The following AKAP1 variants were observed in gnomAD, a reference collection of about 807,000 sequenced individuals.
AKAP1 encodes A-kinase anchor protein 1, mitochondrial.
A neutral mutation model predicts 79.8 loss-of-function variants in AKAP1; 32 were observed. The observed-to-expected ratio is 0.40, with a 90% CI of 0.30 to 0.54. AKAP1 has a LOEUF of 0.54. AKAP1 is among the 20% of genes least tolerant of loss of function. AKAP1 has a pLI of 0.47. For missense variants in AKAP1, 961 were observed against 1,138.9 expected, an observed-to-expected ratio of 0.84 and a Z score of 2.25; for synonymous variants, 416 against 466.7, an observed-to-expected ratio of 0.89 and a Z score of 1.40.
At chr17:57,093,611 A>G (rs778308640) in intron 1 of AKAP1, 1 of 152,224 alleles carries the variant, frequency 6.6e-6, no homozygotes, top group Non-Finnish European at 1.5e-5. Context: ...CAAATTTAGG[A>G]TGGTTAATAA....
chr17:57,109,223 T>G (rs1195839291), intron 2 of AKAP1, among the ~76,000 whole-genome samples: 2 of 152,208 alleles, frequency 1.3e-5, no homozygotes, highest in South Asian at 2.1e-4. Context: ...GCCACTTCTC[T>G]TGAGCTGATC....
At chr17:57,099,477 G>A (rs1238895996) in intron 1 of AKAP1, among the ~76,000 whole-genome samples, 2 of 152,192 alleles carry the variant, frequency 1.3e-5, no homozygotes, top group African/African-American at 4.8e-5. Flanking sequence ...GATGGGCACT[G>A]GGAATTTAGG....
At chr17:57,104,730 G>A (rs1450549959) in intron 1 of AKAP1, among the ~76,000 whole-genome samples, 2 of 152,200 alleles carry the variant, frequency 1.3e-5, no homozygotes, top group East Asian at 3.8e-4. Context: ...ATCCAAAATT[G>A]GAAGTATAGT....
chr17:57,110,264 C>A, intron 3 of AKAP1, 106 bp downstream of exon 3: 1 of 1,464,346 alleles, frequency 6.8e-7, no homozygotes, highest in Non-Finnish European at 9.2e-7. Flanking sequence ...GGACAGTAAA[C>A]CAGAAGGAGC....
Position 57,110,110 on chromosome 17 carries a change from C to G in AKAP1, c.1800C>G (p.Ser600=). The G allele has an allele frequency of 6.2e-7, 1 of 1,614,162 alleles. No homozygotes were observed. Residue 600 remains serine, a synonymous_variant, in exon 3 of 11, where the codon TCC becomes TCG. Coordinates refer to ENST00000337714, the MANE Select transcript of AKAP1 (RefSeq NM_003488.4). ...GCTTCCAAAATGCCCAGGCAGGCTCCAACCCTAAGAAGGTCGACCTCATCA... is the reference window on the plus strand; with the variant it reads ...GCTTCCAAAATGCCCAGGCAGGCTCGAACCCTAAGAAGGTCGACCTCATCA... The part of the protein sequence containing the change: ...TESFQNAQAG[S]NPKKVDLIIW...
chr17:57,116,760 A>AT, intron 7 of AKAP1, 100 bp from the exon 8 acceptor site: 1 of 1,158,680 alleles, frequency 8.6e-7, no homozygotes, highest in East Asian at 2.4e-5. Context: ...GCTTTGCTGC[A>AT]TCCCAGGTTA....
intron 10 of AKAP1, among the ~76,000 whole-genome samples, chr17:57,120,000 A>G (rs1021008085): frequency 6.6e-6 from 1 of 151,522 alleles, no homozygotes; most frequent in Non-Finnish European, 1.5e-5. Context: ...TAATTTTTGT[A>G]TGTTTAATAG....
chr17:57,099,228 T>G (rs1223018351), intron 1 of AKAP1, among the ~76,000 whole-genome samples: 1 of 152,144 alleles, frequency 6.6e-6, no homozygotes, highest in Non-Finnish European at 1.5e-5. Flanking sequence ...TAGGCACAAT[T>G]CCCTGGTAAC....
In AKAP1 at chr17:57,116,229, G is replaced by A. The variant is rs767670195; in HGVS notation, c.2400G>A (p.Lys800=). The change falls in exon 7 of 11, where the codon AAG becomes AAA. Residue 800 remains lysine, a synonymous_variant. Coordinates refer to ENST00000337714, the MANE Select transcript of AKAP1 (RefSeq NM_003488.4). ...EIRYVDYGGY[K]RVKVDVLRQI... ...GATACGTGGACTACGGCGGATATAA[G>A]AGGGTGAAAGTAGACGTGCTCCGGC... The A allele has an allele frequency of 1.9e-6, 3 of 1,614,098 alleles. No individual in the cohort carries two copies. In the African/African-American group the frequency reaches 4.0e-5, roughly 22 times the overall value.
chr17:57,118,552 A>G (rs1915729865), intron 9 of AKAP1, 98 bp downstream of exon 9: 5 of 1,255,298 alleles, frequency 4.0e-6, no homozygotes, highest in Non-Finnish European at 5.8e-6. Context: ...TGGATTGACC[A>G]GCAGTATTTA....
intron 2 of AKAP1, among the ~76,000 whole-genome samples, chr17:57,107,476 T>A (rs1422932182): frequency 6.6e-6 from 1 of 152,154 alleles, no homozygotes; most frequent in African/African-American, 2.4e-5. Context: ...TTAACATTAG[T>A]GTGCCTCTTT....
At position 57,086,536 on chromosome 17, in the gene AKAP1, A is replaced by G. The variant is rs1416782115; in HGVS notation, c.-25+1138A>G. 2.3e-6 allele frequency: 1 copy of G among 437,886 alleles called. No individual in the cohort carries two copies. Among genetic ancestry groups the G allele is most frequent in the Non-Finnish European group, 4.6e-6 (1 of 219,302 alleles). The allele number at this position is 437,886 out of a possible 1,614,324, so 27.1% of individuals were successfully genotyped here. ...ACACAAACCCGGTGGACTTCGCTCC[A>G]GGTGCGAGTCGAGGCCTCTCAAGCT... On this transcript the variant is annotated intron_variant, in intron 1 of 10. Coordinates refer to ENST00000337714, the MANE Select transcript of AKAP1 (RefSeq NM_003488.4). The surrounding 1 kb of genome is among the most constrained non-coding windows in gnomAD (Gnocchi z 5.1).
intron 1 of AKAP1, among the ~76,000 whole-genome samples, chr17:57,098,110 A>C (rs1223425821): frequency 6.6e-6 from 1 of 152,226 alleles, no homozygotes; most frequent in Non-Finnish European, 1.5e-5. Context: ...TCCCTGGAGA[A>C]AGAAGAGATC....
At chr17:57,118,490 CT>C in intron 9 of AKAP1, 36 bp downstream of exon 9, 1 of 1,609,672 alleles carries the variant, frequency 6.2e-7, no homozygotes, top group Non-Finnish European at 8.5e-7. Flanking sequence ...GGCAGGCTGG[CT>C]GGGTTCTTGG....
Position 57,107,038 on chromosome 17 carries a change from C to G in AKAP1, c.1574C>G (p.Ser525Trp), listed in dbSNP as rs775916699. The change falls in exon 2 of 11, where the codon TCG (serine) becomes TGG (tryptophan). Residue 525 changes from serine to tryptophan, a missense_variant. Ser to Trp is a radical substitution (Grantham distance 177). Around this residue, in one of 3 missense-constraint regions of AKAP1, gnomAD observed 629 missense variants for 781.1 expected, o/e 0.81. Transcript: ENST00000337714. ...GAAGACTCTTGCACAGAGACCAGCT[C>G]GAGCCCCAGGGACAAGGCCATCACC... ...GLEDSCTETS[S>W]SPRDKAITPP... 6.2e-7 allele frequency: 1 copy of G among 1,614,120 alleles called. No individual in the cohort carries two copies. Among genetic ancestry groups the G allele is most frequent in the Admixed American group, 1.7e-5 (1 of 60,016 alleles).
Position 57,116,027 on chromosome 17 carries a change from G to A in AKAP1, c.2282-84G>A, listed in dbSNP as rs576218212. On this transcript the variant is annotated intron_variant, in intron 6 of 10. Coordinates refer to ENST00000337714, the MANE Select transcript of AKAP1 (RefSeq NM_003488.4). ...AGGTTGCAGGCCTCTGAGAGGTAAC[G>A]CAGGGAGGTGGGTAGTGGCCAGGTG... 4.7e-4 allele frequency: 707 copies of A among 1,510,952 alleles called. 2 individuals carry two copies. The highest frequency in any genetic ancestry group is 6.0e-4 in the Non-Finnish European group (673 of 1,120,868). The allele number at this position is 1,510,952 out of a possible 1,614,324, so 93.6% of individuals were successfully genotyped here.
rs747916327 is a variant in AKAP1, at chr17:57,106,017, G to T, written c.553G>T (p.Val185Phe). Residue 185 changes from valine (V) to phenylalanine (F), a missense_variant, in exon 2 of 11, where the codon GTC becomes TTC. Transcript: ENST00000337714. ...GAAGGTCCAGCCAGGCTACCCCGTAGTCCCCGCAGAGAAGCGTAGCTCTGG... is the reference window on the plus strand; with the variant it reads ...GAAGGTCCAGCCAGGCTACCCCGTATTCCCCGCAGAGAAGCGTAGCTCTGG... ...PRKVQPGYPVVPAEKRSSGER... is the reference protein window; with the variant it reads ...PRKVQPGYPVFPAEKRSSGER... 1.8e-5 allele frequency: 29 copies of T among 1,613,766 alleles called. No individual in the cohort carries two copies. Among genetic ancestry groups the T allele is most frequent in the Non-Finnish European group, 2.5e-5 (29 of 1,179,992 alleles).
chr17:57,104,451 A>G (rs1307516253), intron 1 of AKAP1, among the ~76,000 whole-genome samples: 1 of 152,222 alleles, frequency 6.6e-6, no homozygotes, highest in African/African-American at 2.4e-5. Context: ...ATGGAGTTAC[A>G]TCCTGGTAGA....
chr17:57,112,614 C>T lies in AKAP1; in HGVS notation c.2099C>T (p.Ser700Phe). 1 of 1,610,070 alleles carries T rather than the reference C, an allele frequency of 6.2e-7. No homozygotes were observed. Among genetic ancestry groups the T allele is most frequent in the South Asian group, 1.1e-5 (1 of 90,312 alleles). The change falls in exon 5 of 11, where the codon TCC becomes TTC. Residue 700 changes from serine (S) to phenylalanine (F), a missense_variant. Transcript: ENST00000337714. ...GCACTGCCTTCTCTGCCGATGACATCCTGGGTGAGCGTGCTACTGGGTGAT... is the reference window on the plus strand; with the variant it reads ...GCACTGCCTTCTCTGCCGATGACATTCTGGGTGAGCGTGCTACTGGGTGAT... Reference protein sequence around the residue: ...SLALPSLPMTSWLMLPDGITV... With the variant: ...SLALPSLPMTFWLMLPDGITV...
Sources: gnomAD v4.1 joint callset for allele counts (sites outside exome capture counted in the v4.1 genomes callset) on GRCh38, gnomAD v4.1.1 for gene constraint, gnomAD v4.1.1 regional missense constraint, Gnocchi (gnomAD v3.1) non-coding constraint, MANE v1.5 for transcripts, NCBI Gene and HGNC (gene_info 2026-07-23, HGNC 2026-07-21) for gene names.